The following INTU variants were observed in gnomAD, a reference collection of about 807,000 sequenced individuals.
INTU encodes the protein protein inturned.
Under a neutral mutation model 100.5 loss-of-function variants are expected in INTU, and 68 were observed. The observed-to-expected ratio is 0.68, with a 90% CI of 0.56 to 0.83. INTU has a LOEUF of 0.83. INTU is among the 40% of genes least tolerant of loss of function. INTU has a pLI of 0.00. For synonymous variants in INTU, 357 were observed against 395.7 expected (o/e 0.90, Z 1.16); for missense variants, 1,071 against 1,114.7 (o/e 0.96, Z 0.56).
rs1731177395 is a variant in INTU at position 127,713,995 on chromosome 4, T to C, written c.2619T>C (p.Leu873=). 1 of 1,612,752 alleles carries C rather than the reference T, an allele frequency of 6.2e-7. No individual in the cohort carries two copies. The highest frequency in any genetic ancestry group is 8.5e-7 in the Non-Finnish European group (1 of 1,178,910). ...ATTCTGCAAAGTCAGTGTCTTCTCT[T>C]AACCCTGTTAAAGAACATGGTGTGT... ...HSDSAKSVSS[L]NPVKEHGVLF... Residue 873 remains leucine, a synonymous_variant, in exon 15 of 16, where the codon CTT becomes CTC. Coordinates refer to ENST00000335251, the MANE Select transcript of INTU (RefSeq NM_015693.4).
In INTU at chr4:127,720,369, T is replaced by C. The variant is rs1731329282; in HGVS notation, c.*3933T>C. Reference sequence around the variant, plus strand: ...ACTGTTTGTTATTACTTCAGTTCTTTAGCATTTGCTGAGGAGTGCTTTACT... The same window carrying C: ...ACTGTTTGTTATTACTTCAGTTCTTCAGCATTTGCTGAGGAGTGCTTTACT... On this transcript the variant is annotated 3_prime_UTR_variant, in exon 16 of 16. Transcript: ENST00000335251. The C allele has an allele frequency of 6.6e-6, 1 of 152,242 alleles. No homozygotes were observed. Among genetic ancestry groups the C allele is most frequent in the Admixed American group, 6.5e-5 (1 of 15,280 alleles). 9.4% of individuals were successfully genotyped at this position (152,242 alleles called of 1,614,324 possible).
At chr4:127,673,010 T>C (rs1729004028) in intron 5 of INTU, among the ~76,000 whole-genome samples, 1 of 152,222 alleles carries the variant, frequency 6.6e-6, no homozygotes, top group Non-Finnish European at 1.5e-5. Context: ...AAAAGTTTCC[T>C]TGAGAACACA....
chr4:127,703,009 T>A (rs1404234072), intron 9 of INTU, among the ~76,000 whole-genome samples: 3 of 152,206 alleles, frequency 2.0e-5, no homozygotes, highest in Non-Finnish European at 4.4e-5. Flanking sequence ...TGCTCCATGG[T>A]CAGGCCTCTG....
intron 1 of INTU, among the ~76,000 whole-genome samples, chr4:127,643,113 CT>C: frequency 6.6e-6 from 1 of 152,244 alleles, no homozygotes; most frequent in Admixed American, 6.5e-5. Flanking sequence ...AAATGGCATG[CT>C]TGTGTGGATA....
chr4:127,715,679 G>T (rs1188903513), intron 15 of INTU, among the ~76,000 whole-genome samples: 1 of 152,178 alleles, frequency 6.6e-6, no homozygotes, highest in Non-Finnish European at 1.5e-5. Flanking sequence ...GACCAGTTAG[G>T]CACACATGTA....
Position 127,674,650 on chromosome 4 carries a change from C to A in INTU, c.1181+437C>A, listed in dbSNP as rs1373023114. ...GGTATATGTAACTCTAAAGTGACTT[C>A]TCTAATGGTACATCTTATATTATCA... On this transcript the variant is annotated intron_variant, in intron 6 of 15. Coordinates refer to ENST00000335251, the MANE Select transcript of INTU (RefSeq NM_015693.4). Among the ~76,000 whole-genome samples the A allele has an allele frequency of 2.0e-5, 3 of 152,168 alleles. No homozygotes were observed. The East Asian group carries it at 5.8e-4, about 29-fold the overall frequency.
rs181905859 is a variant in INTU, at chr4:127,724,037, A to G, written c.*7601A>G. 1 of 152,234 alleles carries G rather than the reference A, an allele frequency of 6.6e-6. No homozygotes were observed. The highest frequency in any genetic ancestry group is 1.5e-5 in the Non-Finnish European group (1 of 68,032). 9.4% of individuals were successfully genotyped at this position (152,234 alleles called of 1,614,324 possible). A position where few individuals can be genotyped will look rare whatever the true frequency, so the allele number is the denominator to read the frequency against. On this transcript the variant is annotated 3_prime_UTR_variant, in exon 16 of 16. Transcript: ENST00000335251. ...TTATATAATTCATGAATTTCAGGAA[A>G]GCTGCATGTAAATCTTTTTTTAAAG... is the stretch of plus-strand genomic sequence containing the variant.
chr4:127,650,303 A>G (rs1309157758), intron 2 of INTU, among the ~76,000 whole-genome samples: 13 of 151,636 alleles, frequency 8.6e-5, no homozygotes, highest in African/African-American at 3.1e-4. Flanking sequence ...TACATGTGCC[A>G]TGCTGGTGCG....
At chr4:127,663,733 G>T (rs1728579176) in intron 4 of INTU, 149 bp downstream of exon 4, 2 of 607,686 alleles carry the variant, frequency 3.3e-6, no homozygotes, top group Non-Finnish European at 5.8e-6. Flanking sequence ...CTTTAAAATT[G>T]TGTATCTAAT....
chr4:127,633,031 G>A lies in INTU; in HGVS notation c.-4G>A, dbSNP rs767818615. The A allele has an allele frequency of 8.1e-6, 13 of 1,611,620 alleles. No individual in the cohort carries two copies. In the Admixed American group the frequency reaches 8.3e-5, roughly 10 times the overall value. On this transcript the variant is annotated 5_prime_UTR_variant, in exon 1 of 16. Coordinates refer to ENST00000335251, the MANE Select transcript of INTU (RefSeq NM_015693.4). ...CTCCACTCGTAGCTATTGCATTCCT[G>A]ACGATGGCCTCTGTGGCTTCGTGCG...
intron 1 of INTU, among the ~76,000 whole-genome samples, chr4:127,641,504 TCC>T (rs1727331642): frequency 1.3e-5 from 2 of 152,034 alleles, no homozygotes; most frequent in Admixed American, 6.6e-5. Flanking sequence ...CCCACCTCTC[TCC>T]CTCCTTCATT....
chr4:127,713,272 A>G (rs1181523324), intron 14 of INTU, among the ~76,000 whole-genome samples: 1 of 152,162 alleles, frequency 6.6e-6, no homozygotes, highest in African/African-American at 2.4e-5. Flanking sequence ...TGGCTTCTGG[A>G]CTGTGGATAT....
intron 2 of INTU, 72 bp from the exon 3 acceptor site, chr4:127,656,564 A>G (rs950181229): frequency 4.7e-6 from 5 of 1,060,142 alleles, no homozygotes; most frequent in African/African-American, 4.7e-5. Flanking sequence ...TAGCTGTTTA[A>G]TGTTCCAATT....
At chr4:127,678,251 C>A (rs558217376) in intron 6 of INTU, among the ~76,000 whole-genome samples, 2 of 151,874 alleles carry the variant, frequency 1.3e-5, no homozygotes, top group Admixed American at 6.6e-5. Flanking sequence ...ATACAGAGAA[C>A]GCCACAAAGA....
chr4:127,683,624 A>G (rs1222110126), intron 6 of INTU, among the ~76,000 whole-genome samples: 4 of 152,114 alleles, frequency 2.6e-5, no homozygotes, highest in Non-Finnish European at 5.9e-5. Context: ...CACAGAATTT[A>G]GGGTGGGGCA....
In INTU at chr4:127,708,672, A is replaced by G. The variant is rs960769401; in HGVS notation, c.2369+4A>G. 4 of 1,435,436 alleles carry G rather than the reference A, an allele frequency of 2.8e-6. No individual in the cohort carries two copies. The highest frequency in any genetic ancestry group is 2.8e-5 in the African/African-American group (2 of 70,350). 88.9% of individuals were successfully genotyped at this position (1,435,436 alleles called of 1,614,324 possible). A position where few individuals can be genotyped will look rare whatever the true frequency, so the allele number is the denominator to read the frequency against. ...TAGAAATATATAACACAGTGAAGTA[A>G]GAAACTTTCTTATTCTTGTTCACTT... On this transcript the variant is annotated splice_donor_region_variant and intron_variant, in intron 13 of 15. Transcript: ENST00000335251.
At chr4:127,677,929 A>G (rs1214522709) in intron 6 of INTU, among the ~76,000 whole-genome samples, 1 of 152,256 alleles carries the variant, frequency 6.6e-6, no homozygotes, top group African/African-American at 2.4e-5. Flanking sequence ...GTGGAAAGCC[A>G]AGGCTCGAGA....
chr4:127,640,584 TATATATAC>T (rs1487348338), intron 1 of INTU, among the ~76,000 whole-genome samples: 409 of 36,600 alleles, frequency 0.011, 25 homozygotes, highest in African/African-American at 0.031. Flanking sequence ...TATATATATA[TATATATAC>T]ATATACATAA....
At chr4:127,647,048 C>T (rs1430726967) in intron 2 of INTU, among the ~76,000 whole-genome samples, 1 of 152,184 alleles carries the variant, frequency 6.6e-6, no homozygotes, top group African/African-American at 2.4e-5. Context: ...ATCCCCACCT[C>T]TAACAAGCAA....
Sources: allele counts gnomAD v4.1 joint callset (sites outside exome capture counted in the v4.1 genomes callset), GRCh38; gene constraint gnomAD v4.1.1; transcripts MANE v1.5; gene names NCBI Gene and HGNC (gene_info 2026-07-23, HGNC 2026-07-21).